Variants in SLC27A2 observed in about 807,000 individuals in gnomAD.
SLC27A2 encodes solute carrier family 27 member 2, also known as long-chain fatty acid transport protein 2.
In SLC27A2, 54 loss-of-function variants were observed where a neutral mutation model predicts 60.0. The observed-to-expected ratio is 0.90, with a 90% CI of 0.72 to 1.13. SLC27A2 has a LOEUF of 1.13. Among genes scored for constraint, SLC27A2 ranks in the 50% most tolerant of loss-of-function variants. The pLI is 0.00. For synonymous variants in SLC27A2, 297 were observed against 297.6 expected (o/e 1.00, Z 0.02); for missense variants, 739 against 777.6 (o/e 0.95, Z 0.59).
At chr15:50,192,193 C>A (rs935046372) in intron 1 of SLC27A2, among the ~76,000 whole-genome samples, 4 of 152,022 alleles carry the variant, frequency 2.6e-5, no homozygotes, top group Non-Finnish European at 5.9e-5. Flanking sequence ...TTTCAAATTT[C>A]TTTTTTCTTT....
intron 4 of SLC27A2, among the ~76,000 whole-genome samples, chr15:50,216,655 T>C (rs985741421): frequency 7.7e-5 from 9 of 116,728 alleles, no homozygotes; most frequent in Non-Finnish European, 1.1e-4. Context: ...TATATATATA[T>C]AGTATAGTTT....
At chr15:50,204,575 T>C (rs77431914) in intron 3 of SLC27A2, among the ~76,000 whole-genome samples, 2 of 150,920 alleles carry the variant, frequency 1.3e-5, no homozygotes, top group Non-Finnish European at 2.9e-5. Context: ...CTACTAAAAA[T>C]ACAAAAAATT....
At chr15:50,198,886 C>T (rs75993997) in intron 2 of SLC27A2, among the ~76,000 whole-genome samples, 157 of 152,248 alleles carry the variant, frequency 1.0e-3, no homozygotes, top group African/African-American at 3.5e-3. Flanking sequence ...GCCCTCAGCA[C>T]CCACCTGAGC....
intron 5 of SLC27A2, among the ~76,000 whole-genome samples, chr15:50,224,429 A>G (rs549928464): frequency 2.6e-5 from 4 of 152,272 alleles, no homozygotes; most frequent in South Asian, 2.1e-4. Context: ...AACAGAGCGA[A>G]ACTCCATCTC....
chr15:50,203,636 A>G (rs182938930), intron 3 of SLC27A2, among the ~76,000 whole-genome samples: 59 of 152,296 alleles, frequency 3.9e-4, no homozygotes, highest in Non-Finnish European at 1.5e-5. Context: ...ATATGTATAT[A>G]CACACACATA....
chr15:50,186,570 TGGGA>T (rs1393153960), intron 1 of SLC27A2, among the ~76,000 whole-genome samples: 2 of 152,208 alleles, frequency 1.3e-5, no homozygotes, highest in Non-Finnish European at 2.9e-5. Context: ...CTCAAGTAGC[TGGGA>T]CTACAGATGC....
In SLC27A2 at chr15:50,226,085, T is replaced by C; in HGVS notation, c.1258+7T>C. 1.3e-6 allele frequency: 2 copies of C among 1,583,036 alleles called. No homozygotes were observed. Among genetic ancestry groups the C allele is most frequent in the Non-Finnish European group, 1.7e-6 (2 of 1,151,848 alleles). ...TGCGTCAGAGTTCCCAAAGGTACAG[T>C]GGACTTTTGTTCAATCAACCTGTGC... On this transcript the variant is annotated splice_region_variant and intron_variant, in intron 6 of 9. Coordinates refer to ENST00000267842, the MANE Select transcript of SLC27A2 (RefSeq NM_003645.4).
At chr15:50,221,990 G>A (rs2045245715) in intron 4 of SLC27A2, 1 of 152,102 alleles carries the variant, frequency 6.6e-6, no homozygotes, top group Non-Finnish European at 1.5e-5. Flanking sequence ...TACTTGACTA[G>A]TCTTTGTTAA....
chr15:50,192,750 G>T (rs2044983939), intron 1 of SLC27A2, among the ~76,000 whole-genome samples: 1 of 136,864 alleles, frequency 7.3e-6, no homozygotes, highest in Admixed American at 7.7e-5. Context: ...GAGGTGTTTT[G>T]CCATGTTGCC....
intron 3 of SLC27A2, among the ~76,000 whole-genome samples, chr15:50,202,944 C>T (rs2045076746): frequency 2.0e-5 from 3 of 151,112 alleles, no homozygotes; most frequent in South Asian, 4.2e-4. Flanking sequence ...CTTTGGGAGG[C>T]CAAGGCAGGA....
intron 4 of SLC27A2, among the ~76,000 whole-genome samples, chr15:50,215,106 A>C (rs2140907921): frequency 6.6e-6 from 1 of 152,302 alleles, no homozygotes; most frequent in East Asian, 1.9e-4. Flanking sequence ...CTGATAAAAG[A>C]ATTCAGCATA....
intron 1 of SLC27A2, among the ~76,000 whole-genome samples, chr15:50,189,374 T>A (rs1380440667): frequency 6.6e-6 from 1 of 152,016 alleles, no homozygotes; most frequent in African/African-American, 2.4e-5. Context: ...GAGCACAGGA[T>A]GGGCTGGAAA....
rs756347076 is a variant in SLC27A2 at position 50,222,973 on chromosome 15, T to C, written c.981T>C (p.Asn327=). Residue 327 remains asparagine, a synonymous_variant, in exon 5 of 10, where the codon AAT becomes AAC. Transcript: ENST00000267842. Reference sequence around the variant, plus strand: ...CTTCTCCCCCACCACAGAAACCAAATGACCGTGATCATAAAGTGAGACTGG... The same window carrying C: ...CTTCTCCCCCACCACAGAAACCAAACGACCGTGATCATAAAGTGAGACTGG... ...RYLCNSPQKP[N]DRDHKVRLAL... is the part of the protein sequence containing the mutation. 2.5e-6 allele frequency: 4 copies of C among 1,607,856 alleles called. No individual in the cohort carries two copies. The highest frequency in any genetic ancestry group is 3.4e-6 in the Non-Finnish European group (4 of 1,176,854).
chr15:50,202,711 T>C, intron 3 of SLC27A2, 66 bp downstream of exon 3: 2 of 1,563,634 alleles, frequency 1.3e-6, no homozygotes, highest in Non-Finnish European at 1.8e-6. Context: ...GGAACAGTAA[T>C]ACAAAATTTG....
At chr15:50,208,001 C>G (rs2045126608) in intron 4 of SLC27A2, among the ~76,000 whole-genome samples, 1 of 151,368 alleles carries the variant, frequency 6.6e-6, no homozygotes, top group Non-Finnish European at 1.5e-5. Flanking sequence ...GGGGGAAGGG[C>G]CTGGATCAAT....
At chr15:50,228,882 C>T in intron 7 of SLC27A2, 63 bp from the exon 8 acceptor site, 2 of 1,116,506 alleles carry the variant, frequency 1.8e-6, no homozygotes, top group Non-Finnish European at 2.7e-6. Context: ...CACCAGCTCT[C>T]CGACATTGCA....
At chr15:50,204,851 A>ATG (rs200016997) in intron 3 of SLC27A2, among the ~76,000 whole-genome samples, 10,008 of 147,656 alleles carry the variant, frequency 0.068, 730 homozygotes, top group African/African-American at 0.19. Context: ...ATATATATGT[A>ATG]TGTGTGTATA....
At chr15:50,222,737 A>C (rs1259386152) in intron 4 of SLC27A2, among the ~76,000 whole-genome samples, 1 of 152,230 alleles carries the variant, frequency 6.6e-6, no homozygotes, top group East Asian at 1.9e-4. Context: ...TTGTTAAATC[A>C]TAGTTCCAGC....
At position 50,205,110 on chromosome 15, in the gene SLC27A2, G is replaced by T. The variant is rs2140903620; in HGVS notation, c.848-129G>T. On this transcript the variant is annotated intron_variant, in intron 3 of 9. Coordinates refer to ENST00000267842, the MANE Select transcript of SLC27A2 (RefSeq NM_003645.4). ...CTAATTTTTTGCATTTGAATATAAG[G>T]TACTCAATACTTGTTTGCAAATATA... 3 of 1,087,022 alleles carry T rather than the reference G, an allele frequency of 2.8e-6. No homozygotes were observed. In the South Asian group the frequency reaches 5.6e-5, roughly 20 times the overall value. The allele number at this position is 1,087,022 out of a possible 1,614,324, so 67.3% of individuals were successfully genotyped here.
Sources: gnomAD v4.1 joint callset for allele counts (sites outside exome capture counted in the v4.1 genomes callset) on GRCh38, gnomAD v4.1.1 for gene constraint, MANE v1.5 for transcripts, NCBI Gene and HGNC (gene_info 2026-07-23, HGNC 2026-07-21) for gene names.